Variants in SMAD5 observed in about 807,000 individuals in gnomAD.
SMAD5 encodes SMAD family member 5, also known as MAD, mothers against decapentaplegic homolog 5.
Under a neutral mutation model 43.1 loss-of-function variants are expected in SMAD5, and 9 were observed. The ratio of observed to expected loss-of-function variants is 0.21; its 90% CI spans 0.13 to 0.36. The LOEUF (loss-of-function observed/expected upper bound fraction) is 0.36, where lower values mean the gene tolerates loss of function less well. SMAD5 is among the 10% of genes least tolerant of loss of function. The probability of loss-of-function intolerance (pLI) is 1.00; values close to 1 mark genes in which losing one functional copy is unlikely to be tolerated. For synonymous variants in SMAD5, 190 were observed against 192.4 expected (o/e 0.99, Z 0.10); for missense variants, 348 against 574.0 (o/e 0.61, Z 4.02).
intron 5 of SMAD5, among the ~76,000 whole-genome samples, 158 bp from the exon 6 acceptor site, chr5:136,172,276 C>T (rs565152673): frequency 4.0e-5 from 6 of 151,540 alleles, no homozygotes; most frequent in African/African-American, 9.8e-5. Flanking sequence ...TGCTTGTTTT[C>T]GGATATAGAT....
At chr5:136,144,120 A>G (rs1171263737) in intron 1 of SMAD5, among the ~76,000 whole-genome samples, 1 of 152,068 alleles carries the variant, frequency 6.6e-6, no homozygotes, top group Non-Finnish European at 1.5e-5. Flanking sequence ...GGCAGTTTTG[A>G]TGAAAATTGA....
intron 1 of SMAD5, among the ~76,000 whole-genome samples, chr5:136,141,433 A>G (rs1396188756): frequency 1.3e-5 from 2 of 152,170 alleles, no homozygotes; most frequent in Non-Finnish European, 2.9e-5. Context: ...TTGTACTTAC[A>G]TATAGGGGTA....
At chr5:136,161,197 A>G in intron 4 of SMAD5, 90 bp downstream of exon 4, 2 of 1,097,368 alleles carry the variant, frequency 1.8e-6, no homozygotes, top group Non-Finnish European at 2.6e-6. Flanking sequence ...GAACTGTTAC[A>G]TGCCAAGGTA....
intron 3 of SMAD5, among the ~76,000 whole-genome samples, chr5:136,158,312 T>C (rs1277456319): frequency 6.6e-6 from 1 of 151,904 alleles, no homozygotes; most frequent in African/African-American, 2.4e-5. Context: ...ACAGGAAACA[T>C]ATAAAGGACT....
At chr5:136,170,994 A>G (rs527584801) in intron 5 of SMAD5, among the ~76,000 whole-genome samples, 4 of 152,160 alleles carry the variant, frequency 2.6e-5, no homozygotes, top group Admixed American at 6.5e-5. Context: ...TACATAGACA[A>G]TCATGTAATT....
At position 136,151,804 on chromosome 5, in the gene SMAD5, A is replaced by T. The variant is rs116227442; in HGVS notation, c.-169-1788A>T. Among the ~76,000 whole-genome samples, 514 of 151,956 alleles carry T rather than the reference A, an allele frequency of 3.4e-3. 7 individuals carry two copies. The highest frequency in any genetic ancestry group is 0.012 in the African/African-American group (477 of 41,428). ...TATGTTCATGTCTGCCTATATATAT[A>T]TTTTTTTGTTTGTGTGCCTTTGCCT... On this transcript the variant is annotated intron_variant, in intron 2 of 7. Transcript: ENST00000545279.
At chr5:136,144,009 C>T (rs893908050) in intron 1 of SMAD5, among the ~76,000 whole-genome samples, 1 of 151,874 alleles carries the variant, frequency 6.6e-6, no homozygotes, top group African/African-American at 2.4e-5. Flanking sequence ...CCTCATAAAC[C>T]AGAGGTATAC....
intron 3 of SMAD5, among the ~76,000 whole-genome samples, chr5:136,156,198 T>C (rs768388442): frequency 2.6e-5 from 4 of 152,230 alleles, no homozygotes; most frequent in Non-Finnish European, 4.4e-5. Flanking sequence ...TCATGACAGC[T>C]TCTTCAAAGC....
At chr5:136,137,246 G>A (rs1752915432) in intron 1 of SMAD5, among the ~76,000 whole-genome samples, 1 of 145,714 alleles carries the variant, frequency 6.9e-6, no homozygotes, top group Non-Finnish European at 1.5e-5. Flanking sequence ...TTTGTAACTA[G>A]GTTTTGCTCT....
intron 5 of SMAD5, among the ~76,000 whole-genome samples, 197 bp downstream of exon 5, chr5:136,163,588 T>C (rs1015137488): frequency 2.0e-5 from 3 of 152,210 alleles, no homozygotes; most frequent in African/African-American, 7.2e-5. Context: ...TCCCTAACTC[T>C]TTAAAAAGGT....
At position 136,180,715 on chromosome 5, in the gene SMAD5, T is replaced by A. The variant is rs1754596669; in HGVS notation, c.*3235T>A. 1 of 151,936 alleles carries A rather than the reference T, an allele frequency of 6.6e-6. No individual in the cohort carries two copies. The highest frequency in any genetic ancestry group is 6.6e-5 in the Admixed American group (1 of 15,254). The allele number at this position is 151,936 out of a possible 1,614,324, so 9.4% of individuals were successfully genotyped here. On this transcript the variant is annotated 3_prime_UTR_variant, in exon 8 of 8. Transcript: ENST00000545279. ...TTTTTCACATTGTATTGTTGCTATA[T>A]AAAAAAAATAATAGAATTGGTTGGG...
chr5:136,169,612 A>G (rs1465402681), intron 5 of SMAD5, among the ~76,000 whole-genome samples: 1 of 152,172 alleles, frequency 6.6e-6, no homozygotes, highest in Non-Finnish European at 1.5e-5. Context: ...TTTTATGTGG[A>G]TATAGTTTTC....
intron 5 of SMAD5, among the ~76,000 whole-genome samples, chr5:136,166,155 AT>A (rs57949243): frequency 2.7e-5 from 4 of 148,162 alleles, no homozygotes; most frequent in East Asian, 2.0e-4. Flanking sequence ...GTTGTTCTGT[AT>A]TTTTTTTATC....
chr5:136,156,601 G>A (rs1401061963), intron 3 of SMAD5, among the ~76,000 whole-genome samples: 1 of 152,138 alleles, frequency 6.6e-6, no homozygotes, highest in Non-Finnish European at 1.5e-5. Flanking sequence ...ATAGCTGAAG[G>A]AACTGATGAA....
chr5:136,139,972 C>T (rs1381610697), intron 1 of SMAD5, among the ~76,000 whole-genome samples: 1 of 151,456 alleles, frequency 6.6e-6, no homozygotes, highest in Non-Finnish European at 1.5e-5. Flanking sequence ...CTTGGCCTTC[C>T]AAAGTACTGG....
rs1384970751 is a variant in SMAD5 at position 136,179,951 on chromosome 5, C to G, written c.*2471C>G. 6.6e-6 allele frequency: 1 copy of G among 152,152 alleles called. No individual in the cohort carries two copies. The highest frequency in any genetic ancestry group is 2.4e-5 in the African/African-American group (1 of 41,444). 9.4% of individuals were successfully genotyped at this position (152,152 alleles called of 1,614,324 possible). A position where few individuals can be genotyped will look rare whatever the true frequency, so the allele number is the denominator to read the frequency against. ...TTGTTTTTATTTGGGGTCATTATGT[C>G]ACAGTCTTGAGTTAACAAGATCTTA... On this transcript the variant is annotated 3_prime_UTR_variant, in exon 8 of 8. Transcript: ENST00000545279.
At chr5:136,137,272 C>G (rs989334886) in intron 1 of SMAD5, among the ~76,000 whole-genome samples, 1 of 144,646 alleles carries the variant, frequency 6.9e-6, no homozygotes, top group Admixed American at 6.8e-5. Flanking sequence ...TTTTTGGGAC[C>G]CCCCCCCGCA....
intron 1 of SMAD5, among the ~76,000 whole-genome samples, chr5:136,135,449 C>T (rs755378983): frequency 6.6e-5 from 10 of 152,222 alleles, no homozygotes; most frequent in African/African-American, 2.2e-4. Context: ...TTGCATTGAA[C>T]GGAGGCAGTG....
intron 1 of SMAD5, among the ~76,000 whole-genome samples, chr5:136,137,019 T>A (rs1401509053): frequency 3.2e-5 from 2 of 61,984 alleles, no homozygotes; most frequent in Admixed American, 1.3e-4. Flanking sequence ...TAGTTTTGAT[T>A]TTTTTTTTTT....
Sources: allele counts gnomAD v4.1 joint callset (sites outside exome capture counted in the v4.1 genomes callset), GRCh38; gene constraint gnomAD v4.1.1; transcripts MANE v1.5; gene names NCBI Gene and HGNC (gene_info 2026-07-23, HGNC 2026-07-21).